Variants in BTBD9 observed in about 807,000 individuals in gnomAD.
The protein encoded by BTBD9 is BTB domain containing 9.
BTBD9 carries 49 observed loss-of-function variants against 64.3 expected under a neutral mutation model. The observed-to-expected ratio is 0.76, with a 90% CI of 0.61 to 0.97. The LOEUF is 0.97. BTBD9 is among the 50% of genes least tolerant of loss of function. BTBD9 has a pLI of 0.00. For synonymous variants in BTBD9, 260 were observed against 274.7 expected, an observed-to-expected ratio of 0.95 and a Z score of 0.53; for missense variants, 598 against 762.1, an observed-to-expected ratio of 0.78 and a Z score of 2.53.
chr6:38,512,377 T>C (rs1772815940), intron 6 of BTBD9, among the ~76,000 whole-genome samples: 1 of 152,208 alleles, frequency 6.6e-6, no homozygotes, highest in Non-Finnish European at 1.5e-5. Flanking sequence ...ATGGTGACTA[T>C]TAATTAGGTG....
chr6:38,408,924 C>T (rs1767287491), intron 6 of BTBD9, among the ~76,000 whole-genome samples: 1 of 152,174 alleles, frequency 6.6e-6, no homozygotes, highest in African/African-American at 2.4e-5. Flanking sequence ...GGTACTACTT[C>T]AGGTACCAGT....
intron 1 of BTBD9, among the ~76,000 whole-genome samples, chr6:38,635,593 T>C (rs1480297101): frequency 6.6e-6 from 1 of 152,206 alleles, no homozygotes; most frequent in Non-Finnish European, 1.5e-5. Context: ...CATGAATGAA[T>C]TAATGCCAGT....
At chr6:38,589,863 C>G (rs1441857443) in intron 4 of BTBD9, among the ~76,000 whole-genome samples, 1 of 152,154 alleles carries the variant, frequency 6.6e-6, no homozygotes, top group Non-Finnish European at 1.5e-5. Flanking sequence ...TCCTCTGTAA[C>G]TCTATTCTAT....
intron 6 of BTBD9, among the ~76,000 whole-genome samples, chr6:38,528,077 G>C (rs937953671): frequency 5.3e-5 from 8 of 152,304 alleles, no homozygotes; most frequent in Admixed American, 4.6e-4. Context: ...TAGTGGCCAT[G>C]GCCATGTGGC....
Position 38,581,796 on chromosome 6 carries a change from G to T in BTBD9, c.815-1359C>A, listed in dbSNP as rs376313229. Among the ~76,000 whole-genome samples, 11 of 152,182 alleles carry T rather than the reference G, an allele frequency of 7.2e-5. No homozygotes were observed. The South Asian group carries it at 1.7e-3, about 23-fold the overall frequency. ...CTATCCCCCAGGTGTTTCTGTTTAA[G>T]AATTAAATGAGATGATGTTTGTAAA... On this transcript the variant is annotated intron_variant, in intron 4 of 10. Coordinates refer to ENST00000481247, the MANE Select transcript of BTBD9 (RefSeq NM_001099272.2).
At chr6:38,606,412 C>A (rs1210221232) in intron 1 of BTBD9, among the ~76,000 whole-genome samples, 1 of 152,102 alleles carries the variant, frequency 6.6e-6, no homozygotes, top group Non-Finnish European at 1.5e-5. Flanking sequence ...ACATTGTCAA[C>A]ACAAGCAAAT....
intron 6 of BTBD9, among the ~76,000 whole-genome samples, chr6:38,550,679 T>C (rs997280268): frequency 6.6e-6 from 1 of 152,190 alleles, no homozygotes; most frequent in Non-Finnish European, 1.5e-5. Context: ...CTTTAAAATA[T>C]GGCAGAATCT....
At chr6:38,286,135 G>A (rs1400987874) in intron 8 of BTBD9, among the ~76,000 whole-genome samples, 1 of 152,218 alleles carries the variant, frequency 6.6e-6, no homozygotes, top group Non-Finnish European at 1.5e-5. Flanking sequence ...GTACAAACTC[G>A]AGGCTTCTCT....
intron 6 of BTBD9, among the ~76,000 whole-genome samples, chr6:38,473,384 C>G (rs921241431): frequency 6.6e-6 from 1 of 152,132 alleles, no homozygotes; most frequent in Non-Finnish European, 1.5e-5. Context: ...TGATTTTTTC[C>G]AATGGATTAT....
At chr6:38,601,879 T>C (rs971766697) in intron 1 of BTBD9, among the ~76,000 whole-genome samples, 5 of 152,290 alleles carry the variant, frequency 3.3e-5, no homozygotes, top group African/African-American at 1.2e-4. Flanking sequence ...TGAAAATATC[T>C]AGCATTCTTC....
intron 6 of BTBD9, among the ~76,000 whole-genome samples, chr6:38,411,791 G>T (rs1362762405): frequency 6.6e-6 from 1 of 151,930 alleles, no homozygotes; most frequent in African/African-American, 2.4e-5. Flanking sequence ...TTAAAAGTCA[G>T]CCAGACACGG....
chr6:38,540,345 T>C (rs1170742928), intron 6 of BTBD9, among the ~76,000 whole-genome samples: 2 of 152,178 alleles, frequency 1.3e-5, no homozygotes, highest in African/African-American at 4.8e-5. Flanking sequence ...AAATACTCCA[T>C]AGGGGGTCCA....
At chr6:38,299,454 C>T (rs189451621) in intron 7 of BTBD9, among the ~76,000 whole-genome samples, 1 of 152,210 alleles carries the variant, frequency 6.6e-6, no homozygotes, top group Non-Finnish European at 1.5e-5. Flanking sequence ...AATGGTTGAA[C>T]TAGTTTACAG....
intron 9 of BTBD9, among the ~76,000 whole-genome samples, chr6:38,195,109 C>T (rs140119672): frequency 2.6e-5 from 4 of 152,318 alleles, no homozygotes; most frequent in Non-Finnish European, 5.9e-5. Context: ...TGTCTCCCCC[C>T]ATCAGATTCC....
At chr6:38,238,044 T>C (rs538227985) in intron 9 of BTBD9, among the ~76,000 whole-genome samples, 1 of 152,322 alleles carries the variant, frequency 6.6e-6, no homozygotes, top group Non-Finnish European at 1.5e-5. Flanking sequence ...ACCTGGGAGA[T>C]GGAAGCAGGA....
chr6:38,580,193 T>C (rs775863119), intron 5 of BTBD9, 25 bp downstream of exon 5: 2 of 1,602,100 alleles, frequency 1.2e-6, no homozygotes, highest in Non-Finnish European at 1.7e-6. Flanking sequence ...ATAATGTCAG[T>C]TTCTAAGTCA....
chr6:38,206,309 G>C (rs755557479), intron 9 of BTBD9, among the ~76,000 whole-genome samples: 1 of 151,734 alleles, frequency 6.6e-6, no homozygotes, highest in Non-Finnish European at 1.5e-5. Flanking sequence ...TCGCCTCCCA[G>C]CTTGGGAGGC....
At chr6:38,311,821 T>C (rs966181253) in intron 7 of BTBD9, among the ~76,000 whole-genome samples, 4 of 152,202 alleles carry the variant, frequency 2.6e-5, no homozygotes, top group Admixed American at 6.5e-5. Context: ...TGTGCATTTT[T>C]CTGAAGATCA....
intron 8 of BTBD9, among the ~76,000 whole-genome samples, chr6:38,266,860 T>C (rs761152): frequency 0.05 from 7,608 of 152,248 alleles, 467 homozygotes; most frequent in East Asian, 0.27. Flanking sequence ...AATGGTCTTA[T>C]GATATTTTAA....
Sources: gnomAD v4.1 joint callset for allele counts (sites outside exome capture counted in the v4.1 genomes callset) on GRCh38, gnomAD v4.1.1 for gene constraint, MANE v1.5 for transcripts, NCBI Gene and HGNC (gene_info 2026-07-23, HGNC 2026-07-21) for gene names.